The following NCOR2 variants were observed in gnomAD, a reference collection of about 807,000 sequenced individuals.
The protein encoded by NCOR2 is CTG repeat protein 26.
A neutral mutation model predicts 262.9 loss-of-function variants in NCOR2; 81 were observed. The ratio of observed to expected loss-of-function variants is 0.31; its 90% CI spans 0.26 to 0.37. NCOR2 has a LOEUF of 0.37. NCOR2 is among the 10% of genes least tolerant of loss of function. NCOR2 has a pLI of 1.00. For synonymous variants in NCOR2, 1,659 were observed against 1,559.3 expected, an observed-to-expected ratio of 1.06 and a Z score of -1.51; for missense variants, 3,385 against 3,621.4, an observed-to-expected ratio of 0.93 and a Z score of 1.68.
intron 44 of NCOR2, among the ~76,000 whole-genome samples, chr12:124,328,075 C>T (rs1400698807): frequency 6.6e-6 from 1 of 152,038 alleles, no homozygotes. Flanking sequence ...GGGAGGGCTA[C>T]CCTGTTTGGG....
chr12:124,489,837 C>T (rs921151528), intron 1 of NCOR2, among the ~76,000 whole-genome samples: 1 of 151,914 alleles, frequency 6.6e-6, no homozygotes, highest in Admixed American at 6.6e-5. Flanking sequence ...GGGCTAGATG[C>T]GGGGGGATGT....
intron 1 of NCOR2, among the ~76,000 whole-genome samples, chr12:124,501,042 ACGAGCGCG>A (rs2048685515): frequency 2.4e-5 from 1 of 41,192 alleles, no homozygotes; most frequent in Non-Finnish European, 7.3e-5. Flanking sequence ...CGCCCACGGC[ACGAGCGCG>A]CGCGCACGCG....
In NCOR2 at chr12:124,360,863, C is replaced by T. The variant is rs74900375; in HGVS notation, c.3100+1263G>A. On this transcript the variant is annotated intron_variant, in intron 22 of 46. Transcript: ENST00000405201. ...CGTTTTGTTTCTCATGGTGGATGAA[C>T]GACTCTAAAACCATCTTGCTTCGTT... 9.2e-3 allele frequency among the ~76,000 whole-genome samples: 1,393 copies of T among 151,664 alleles called. 31 individuals carry two copies. Among genetic ancestry groups the T allele is most frequent in the South Asian group, 0.082 (394 of 4,778 alleles).
At chr12:124,554,691 C>T (rs2051827636) in intron 1 of NCOR2, among the ~76,000 whole-genome samples, 1 of 152,254 alleles carries the variant, frequency 6.6e-6, no homozygotes, top group Non-Finnish European at 1.5e-5. Context: ...AGCACGCTTC[C>T]ACCTTCCACG....
chr12:124,490,431 TGGA>T (rs2048021173), intron 1 of NCOR2, among the ~76,000 whole-genome samples: 5 of 151,724 alleles, frequency 3.3e-5, no homozygotes, highest in African/African-American at 9.7e-5. Flanking sequence ...GATGGATGGA[TGGA>T]TGGATGGATG....
At position 124,332,091 on chromosome 12, in the gene NCOR2, G is replaced by A. The variant is rs1446128548; in HGVS notation, c.6904+228C>T. ...ACTGGGCACCTACTATGTGCTGGGT[G>A]CTATTCTTCTGTGCCAGTAAGCTCC... On this transcript the variant is annotated intron_variant, in intron 43 of 46. Transcript: ENST00000405201. The A allele has an allele frequency of 1.1e-4, 61 of 563,512 alleles. No homozygotes were observed. The East Asian group carries it at 1.7e-3, about 16-fold the overall frequency. The allele number at this position is 563,512 out of a possible 1,614,324, so 34.9% of individuals were successfully genotyped here.
At chr12:124,327,700 C>T in intron 44 of NCOR2, 67 bp from the exon 47 acceptor site, 1 of 1,142,488 alleles carries the variant, frequency 8.8e-7, no homozygotes, top group Non-Finnish European at 1.3e-6. Flanking sequence ...AGAGGGGCGA[C>T]AGAGAGAGAG....
At chr12:124,515,303 G>A (rs560626017) in intron 1 of NCOR2, among the ~76,000 whole-genome samples, 1 of 152,026 alleles carries the variant, frequency 6.6e-6, no homozygotes, top group South Asian at 2.1e-4. Context: ...AGGAGGCAGT[G>A]GTTGCAGTGA....
chr12:124,335,454 CG>C, intron 39 of NCOR2, 28 bp downstream of exon 41: 2 of 1,592,558 alleles, frequency 1.3e-6, no homozygotes. Context: ...TGCAGGGCTT[CG>C]GGGGCCTGGG....
intron 11 of NCOR2, among the ~76,000 whole-genome samples, chr12:124,425,605 G>A (rs969323884): frequency 3.3e-5 from 5 of 152,124 alleles, no homozygotes; most frequent in African/African-American, 9.7e-5. Context: ...TGGGGACCCC[G>A]GGCCAGGGAT....
intron 22 of NCOR2, 145 bp downstream of exon 24, chr12:124,361,981 C>A (rs2038624742): frequency 4.1e-6 from 3 of 724,018 alleles, no homozygotes; most frequent in Non-Finnish European, 5.7e-6. Flanking sequence ...ACTGCCTCCC[C>A]CTGCTCAACT....
chr12:124,399,336 G>T (rs1593371587), intron 15 of NCOR2, among the ~76,000 whole-genome samples: 1 of 152,286 alleles, frequency 6.6e-6, no homozygotes, highest in East Asian at 1.9e-4. Flanking sequence ...AGACATGGAA[G>T]GCCTAGGAGT....
At chr12:124,388,144 CAG>C (rs1350778534) in intron 16 of NCOR2, among the ~76,000 whole-genome samples, 1 of 152,134 alleles carries the variant, frequency 6.6e-6, no homozygotes, top group Admixed American at 6.5e-5. Context: ...AGGAGCTGGG[CAG>C]AGTCATCCAG....
rs2045925037 is a variant in NCOR2 at position 124,457,240 on chromosome 12, C to G, written c.706-78G>C. The G allele has an allele frequency of 1.4e-6, 2 of 1,423,176 alleles. No individual in the cohort carries two copies. Among genetic ancestry groups the G allele is most frequent in the Non-Finnish European group, 1.9e-6 (2 of 1,074,408 alleles). 88.2% of individuals were successfully genotyped at this position (1,423,176 alleles called of 1,614,324 possible). A position where few individuals can be genotyped will look rare whatever the true frequency, so the allele number is the denominator to read the frequency against. On this transcript the variant is annotated intron_variant, in intron 5 of 46. Coordinates refer to ENST00000405201, the Ensembl canonical transcript of NCOR2. The surrounding 1 kb of genome is among the most constrained non-coding windows in gnomAD (Gnocchi z 4.0). ...GATTATAAATAGAGGCTTCCCGGAGCAGCGGGCACCTGCCCAGCCCAGTCC... is the reference window on the plus strand; with the variant it reads ...GATTATAAATAGAGGCTTCCCGGAGGAGCGGGCACCTGCCCAGCCCAGTCC...
intron 16 of NCOR2, among the ~76,000 whole-genome samples, chr12:124,388,398 C>A (rs1195005626): frequency 6.6e-6 from 1 of 152,170 alleles, no homozygotes; most frequent in African/African-American, 2.4e-5. Flanking sequence ...CCCCGCCAGA[C>A]CCAGCTTGAA....
In NCOR2 at chr12:124,504,944, TAGAC is replaced by T. The variant is rs2048963157; in HGVS notation, c.-117-9580_-117-9577del. ...TGGGAGGATGAAACTGTTTTGGAAT[TAGAC>T]AGAGGTGGTGGTTGCACAACCCGTG... On this transcript the variant is annotated intron_variant, in intron 1 of 46. Transcript: ENST00000404621. This position sits in a 1 kb window ranked among gnomAD's most constrained non-coding sequence, Gnocchi z 4.5. Among the ~76,000 whole-genome samples the T allele has an allele frequency of 6.6e-6, 1 of 152,204 alleles. No homozygotes were observed. Among genetic ancestry groups the T allele is most frequent in the Non-Finnish European group, 1.5e-5 (1 of 68,032 alleles).
At chr12:124,351,811 T>A (rs2037495505) in intron 27 of NCOR2, among the ~76,000 whole-genome samples, 1 of 152,060 alleles carries the variant, frequency 6.6e-6, no homozygotes, top group Non-Finnish European at 1.5e-5. Flanking sequence ...AGACGACGGG[T>A]CCCCAAATCT....
intron 9 of NCOR2, among the ~76,000 whole-genome samples, chr12:124,430,186 A>C (rs2043835540): frequency 6.6e-6 from 1 of 152,154 alleles, no homozygotes; most frequent in South Asian, 2.1e-4. Flanking sequence ...CCAAAGAAAA[A>C]TGGCCATAGA....
intron 7 of NCOR2, among the ~76,000 whole-genome samples, chr12:124,439,422 GAGAGA>G (rs2044681863): frequency 1.4e-3 from 13 of 9,370 alleles, no homozygotes; most frequent in East Asian, 2.4e-3. Flanking sequence ...CCCAGAGAGA[GAGAGA>G]GAGAGACAGA....
Sources: gnomAD v4.1 joint callset for allele counts (sites outside exome capture counted in the v4.1 genomes callset) on GRCh38, gnomAD v4.1.1 for gene constraint, Gnocchi (gnomAD v3.1) non-coding constraint, MANE v1.5 for transcripts, NCBI Gene and HGNC (gene_info 2026-07-23, HGNC 2026-07-21) for gene names.